The following ARHGEF28 variants were observed in gnomAD, a reference collection of about 807,000 sequenced individuals.
ARHGEF28 encodes Rho guanine nucleotide exchange factor 28, also known as 190 kDa guanine nucleotide exchange factor.
ARHGEF28 carries 152 observed loss-of-function variants against 206.6 expected under a neutral mutation model. The observed-to-expected ratio is 0.74, with a 90% CI of 0.64 to 0.84. ARHGEF28 has a LOEUF of 0.84. ARHGEF28 is among the 40% of genes least tolerant of loss of function. ARHGEF28 has a pLI of 0.00. For synonymous variants in ARHGEF28, 763 were observed against 776.4 expected (o/e 0.98, Z 0.29); for missense variants, 2,028 against 2,073.2 (o/e 0.98, Z 0.42).
At chr5:73,708,518 T>C (rs555035156) in intron 2 of ARHGEF28, among the ~76,000 whole-genome samples, 5 of 152,314 alleles carry the variant, frequency 3.3e-5, no homozygotes, top group Non-Finnish European at 7.3e-5. Flanking sequence ...TCCATGGCCC[T>C]ACAAAGGACA....
intron 2 of ARHGEF28, among the ~76,000 whole-genome samples, chr5:73,699,417 GGA>G (rs780808542): frequency 2.0e-5 from 3 of 151,996 alleles, no homozygotes; most frequent in African/African-American, 2.4e-5. Context: ...AGGGGAGAGA[GGA>G]GAGAGAGATT....
At chr5:73,753,722 CT>C (rs1752152795) in intron 4 of ARHGEF28, among the ~76,000 whole-genome samples, 2 of 152,186 alleles carry the variant, frequency 1.3e-5, no homozygotes, top group African/African-American at 4.8e-5. Context: ...ACCAAATGGA[CT>C]CTGAATACCA....
At chr5:73,745,993 A>G (rs1344974389) in intron 2 of ARHGEF28, among the ~76,000 whole-genome samples, 1 of 152,120 alleles carries the variant, frequency 6.6e-6, no homozygotes, top group Non-Finnish European at 1.5e-5. Context: ...AAAAAGGTGA[A>G]TTAAATCAGC....
intron 34 of ARHGEF28, among the ~76,000 whole-genome samples, chr5:73,910,842 C>T (rs10515168): frequency 0.066 from 10,069 of 152,112 alleles, 432 homozygotes; most frequent in East Asian, 0.1. Flanking sequence ...TGTTTTTTTA[C>T]TGATAGTGCC....
intron 22 of ARHGEF28, among the ~76,000 whole-genome samples, chr5:73,873,510 A>T (rs76617592): frequency 1.1e-4 from 17 of 152,132 alleles, no homozygotes; most frequent in African/African-American, 4.1e-4. Flanking sequence ...GGAAAAAAAA[A>T]TCAGGAATTC....
At chr5:73,816,154 A>T (rs186519148) in intron 9 of ARHGEF28, among the ~76,000 whole-genome samples, 2 of 152,196 alleles carry the variant, frequency 1.3e-5, no homozygotes, top group Admixed American at 6.5e-5. Context: ...GGTATGGTGA[A>T]GTAATGACCC....
At chr5:73,697,980 C>G (rs933915138) in intron 2 of ARHGEF28, among the ~76,000 whole-genome samples, 6 of 152,252 alleles carry the variant, frequency 3.9e-5, no homozygotes, top group East Asian at 3.9e-4. Context: ...GGGGCAGATG[C>G]AGGTTTTGTG....
In ARHGEF28 at chr5:73,858,213, T is replaced by G; in HGVS notation, c.2041T>G (p.Cys681Gly). The G allele has an allele frequency of 6.3e-7, 1 of 1,588,562 alleles. No homozygotes were observed. Among genetic ancestry groups the G allele is most frequent in the East Asian group, 2.2e-5 (1 of 44,642 alleles). Residue 681 changes from cysteine to glycine, a missense_variant, in exon 16 of 36, where the codon TGT becomes GGT. By Grantham distance (159) the Cys-to-Gly change is radical. Around this residue, in one of 3 missense-constraint regions of ARHGEF28, gnomAD observed 1,002 missense variants for 1,015.3 expected, o/e 0.99. Coordinates refer to ENST00000513042, the MANE Select transcript of ARHGEF28 (RefSeq NM_001177693.2). ...KTLLGKESLQ[C>G]SNCNANVHKG... ...ACTCCTGGGGAAAGAGTCACTGCAG[T>G]GTTCTAGTAAGTTCTCAGGTCTATG...
At chr5:73,846,126 T>G in intron 11 of ARHGEF28, 142 bp from the exon 12 acceptor site, 2 of 726,398 alleles carry the variant, frequency 2.8e-6, no homozygotes, top group Admixed American at 2.8e-5. Context: ...AAAAGGCTAA[T>G]TAAATACTAG....
At chr5:73,893,526 C>T (rs906680864) in intron 28 of ARHGEF28, among the ~76,000 whole-genome samples, 10 of 152,176 alleles carry the variant, frequency 6.6e-5, no homozygotes, top group African/African-American at 2.4e-4. Flanking sequence ...TATGAAACAA[C>T]AGCTGTGGGC....
chr5:73,684,289 A>T (rs1465625161), intron 1 of ARHGEF28, among the ~76,000 whole-genome samples: 15 of 152,172 alleles, frequency 9.9e-5, no homozygotes, highest in Admixed American at 9.8e-4. Flanking sequence ...TATGAGTTGG[A>T]CTATCTAGGT....
intron 2 of ARHGEF28, among the ~76,000 whole-genome samples, chr5:73,688,677 A>G (rs1036054451): frequency 1.5e-4 from 23 of 151,724 alleles, no homozygotes; most frequent in African/African-American, 4.6e-4. Context: ...CTTTTTTTTG[A>G]GATGGAGTCT....
chr5:73,671,442 A>G (rs1746293890), intron 1 of ARHGEF28, among the ~76,000 whole-genome samples: 1 of 152,094 alleles, frequency 6.6e-6, no homozygotes, highest in Admixed American at 6.6e-5. Context: ...TCAGCAAATG[A>G]ATGAACTTTT....
intron 9 of ARHGEF28, among the ~76,000 whole-genome samples, chr5:73,816,610 G>A (rs1387742056): frequency 6.6e-6 from 1 of 152,174 alleles, no homozygotes; most frequent in Non-Finnish European, 1.5e-5. Flanking sequence ...CAAGGATTTG[G>A]TAACAAGAGG....
intron 4 of ARHGEF28, among the ~76,000 whole-genome samples, chr5:73,754,067 C>CT (rs372465699): frequency 1.3e-5 from 2 of 151,848 alleles, no homozygotes; most frequent in African/African-American, 2.4e-5. Flanking sequence ...TATATTATTG[C>CT]TTTTTTTTGC....
chr5:73,707,034 C>A (rs1748979495), intron 2 of ARHGEF28, among the ~76,000 whole-genome samples: 1 of 152,182 alleles, frequency 6.6e-6, no homozygotes, highest in African/African-American at 2.4e-5. Flanking sequence ...GGGATCCTGG[C>A]CTGGTCACTT....
intron 30 of ARHGEF28, chr5:73,899,998 G>A (rs1762170029): frequency 6.6e-6 from 1 of 152,220 alleles, no homozygotes. Flanking sequence ...GTTAGGAATA[G>A]CACCCAATAG....
intron 1 of ARHGEF28, among the ~76,000 whole-genome samples, chr5:73,664,533 G>A (rs553870707): frequency 6.6e-6 from 1 of 152,126 alleles, no homozygotes; most frequent in Non-Finnish European, 1.5e-5. Context: ...ATAATATATG[G>A]TTGTAAAGAT....
At chr5:73,655,463 G>T (rs533699947) in intron 1 of ARHGEF28, among the ~76,000 whole-genome samples, 2 of 152,332 alleles carry the variant, frequency 1.3e-5, no homozygotes, top group East Asian at 1.9e-4. Context: ...GCCCATGCAA[G>T]AGAACTCCTG....
Sources: allele counts gnomAD v4.1 joint callset (sites outside exome capture counted in the v4.1 genomes callset), GRCh38; gene constraint gnomAD v4.1.1; regional missense constraint gnomAD v4.1.1; transcripts MANE v1.5; gene names NCBI Gene and HGNC (gene_info 2026-07-23, HGNC 2026-07-21).